JAKMIP2: variants seen among roughly 807,000 people sequenced by gnomAD.
The protein encoded by JAKMIP2 is janus kinase and microtubule interacting protein 2, also known as janus kinase and microtubule-interacting protein 2.
Under a neutral mutation model 115.0 loss-of-function variants are expected in JAKMIP2, and 25 were observed. That is an observed-to-expected ratio of 0.22 (90% CI 0.16 to 0.30). JAKMIP2 has a LOEUF of 0.30. JAKMIP2 is among the 10% of genes least tolerant of loss of function. JAKMIP2 has a pLI of 1.00. For synonymous variants in JAKMIP2, 334 were observed against 343.6 expected (o/e 0.97, Z 0.31); for missense variants, 642 against 957.6 (o/e 0.67, Z 4.35).
intron 3 of JAKMIP2, among the ~76,000 whole-genome samples, chr5:147,658,092 CT>C (rs1448195832): frequency 6.6e-6 from 1 of 152,060 alleles, no homozygotes; most frequent in Non-Finnish European, 1.5e-5. Flanking sequence ...GGCATTCTGG[CT>C]TTTGCGATTT....
intron 1 of JAKMIP2, among the ~76,000 whole-genome samples, chr5:147,694,915 G>A (rs1169525169): frequency 6.6e-6 from 1 of 152,170 alleles, no homozygotes; most frequent in African/African-American, 2.4e-5. Flanking sequence ...TTATCAAATT[G>A]TGACAAATTT....
intron 16 of JAKMIP2, among the ~76,000 whole-genome samples, chr5:147,624,115 G>A (rs1452195039): frequency 7.2e-5 from 11 of 152,024 alleles, no homozygotes; most frequent in Admixed American, 5.9e-4. Flanking sequence ...TTATAGGTGC[G>A]AGCCACCGTG....
chr5:147,671,657 C>T (rs1471461703), intron 2 of JAKMIP2, 21 bp downstream of exon 2: 2 of 1,380,974 alleles, frequency 1.4e-6, no homozygotes, highest in African/African-American at 1.5e-5. Context: ...AATGCCACGA[C>T]CTCAGGTAGC....
intron 1 of JAKMIP2, among the ~76,000 whole-genome samples, chr5:147,692,753 C>G (rs1751926291): frequency 6.6e-6 from 1 of 152,064 alleles, no homozygotes. Context: ...CGGAAACGGT[C>G]CATTTGAAAG....
At chr5:147,751,246 T>C (rs1208015107) in intron 1 of JAKMIP2, among the ~76,000 whole-genome samples, 1 of 144,108 alleles carries the variant, frequency 6.9e-6, no homozygotes, top group Non-Finnish European at 1.5e-5. Flanking sequence ...TAAGTTGTTT[T>C]TTTGTTGTTG....
chr5:147,667,051 C>T (rs932846179), intron 2 of JAKMIP2, among the ~76,000 whole-genome samples: 2 of 152,088 alleles, frequency 1.3e-5, no homozygotes, highest in African/African-American at 2.4e-5. Flanking sequence ...GTTTTTCCAA[C>T]AGAAAGAGAT....
At chr5:147,632,459 G>T (rs947654018) in intron 13 of JAKMIP2, among the ~76,000 whole-genome samples, 2 of 152,098 alleles carry the variant, frequency 1.3e-5, no homozygotes, top group African/African-American at 4.8e-5. Flanking sequence ...TATCTAAGTA[G>T]ACAGTTTTGA....
chr5:147,760,413 A>G (rs922129686), intron 1 of JAKMIP2, among the ~76,000 whole-genome samples: 1 of 152,044 alleles, frequency 6.6e-6, no homozygotes, highest in African/African-American at 2.4e-5. Flanking sequence ...TGAAAAAAAA[A>G]AAAAAAATCA....
intron 20 of JAKMIP2, among the ~76,000 whole-genome samples, chr5:147,606,345 GA>G (rs1308689772): frequency 6.6e-6 from 1 of 152,144 alleles, no homozygotes; most frequent in Admixed American, 6.5e-5. Context: ...AATCCATCTT[GA>G]GTTAATTTTC....
At chr5:147,737,289 A>C (rs925410908) in intron 1 of JAKMIP2, among the ~76,000 whole-genome samples, 2 of 152,208 alleles carry the variant, frequency 1.3e-5, no homozygotes, top group Non-Finnish European at 1.5e-5. Context: ...ACTATAAATA[A>C]AGATGTAACT....
chr5:147,782,502 C>G lies in JAKMIP2; in HGVS notation c.-195G>C. ...TGTTTAAAGGAGGGAGAGATGCAAA[C>G]TGAATCCATTTTCCTTGTGACCGAG... On this transcript the variant is annotated 5_prime_UTR_variant, in exon 1 of 22. Transcript: ENST00000616793. 1 of 1,535,020 alleles carries G rather than the reference C, an allele frequency of 6.5e-7. No homozygotes were observed.
At chr5:147,746,721 A>T (rs978428939) in intron 1 of JAKMIP2, among the ~76,000 whole-genome samples, 1 of 152,122 alleles carries the variant, frequency 6.6e-6, no homozygotes, top group African/African-American at 2.4e-5. Context: ...TAAAATATAC[A>T]CTTTCATTTT....
intron 20 of JAKMIP2, among the ~76,000 whole-genome samples, chr5:147,606,961 T>C (rs991476890): frequency 3.9e-5 from 6 of 152,228 alleles, no homozygotes; most frequent in Non-Finnish European, 8.8e-5. Flanking sequence ...AGTTCACTCA[T>C]GATTTGGCTC....
At chr5:147,666,275 A>T (rs1759294962) in intron 2 of JAKMIP2, among the ~76,000 whole-genome samples, 1 of 152,232 alleles carries the variant, frequency 6.6e-6, no homozygotes, top group African/African-American at 2.4e-5. Context: ...ACCACTAAGG[A>T]TATAGATTTA....
chr5:147,720,856 G>A (rs1753245454), intron 1 of JAKMIP2, among the ~76,000 whole-genome samples: 1 of 152,220 alleles, frequency 6.6e-6, no homozygotes, highest in Admixed American at 6.5e-5. Context: ...GCTCGTCAAA[G>A]TCATTCTCCG....
chr5:147,593,303 G>T (rs1177821180), intron 21 of JAKMIP2, among the ~76,000 whole-genome samples: 2 of 152,240 alleles, frequency 1.3e-5, no homozygotes, highest in Non-Finnish European at 2.9e-5. Flanking sequence ...GGCATCCCCT[G>T]CACACCCTTC....
At chr5:147,651,802 T>C (rs77463710) in intron 3 of JAKMIP2, among the ~76,000 whole-genome samples, 3,671 of 152,304 alleles carry the variant, frequency 0.024, 171 homozygotes, top group African/African-American at 0.083. Context: ...AAGAATTCAA[T>C]ATTGTCCCGT....
chr5:147,728,819 G>A (rs1753616150), intron 1 of JAKMIP2, among the ~76,000 whole-genome samples: 1 of 152,100 alleles, frequency 6.6e-6, no homozygotes, highest in South Asian at 2.1e-4. Flanking sequence ...TCTGACTTTT[G>A]AAAATTGTTC....
rs1228819287 is a variant in JAKMIP2, at chr5:147,586,884, A to G, written c.*4823T>C. On this transcript the variant is annotated 3_prime_UTR_variant, in exon 22 of 22. Transcript: ENST00000616793. Reference sequence around the variant, plus strand: ...CTATCTTTAGGAATTTTGATTAAGCATTGGACTTGGACTCCCAGCAAGAGA... The same window carrying G: ...CTATCTTTAGGAATTTTGATTAAGCGTTGGACTTGGACTCCCAGCAAGAGA... 6.6e-6 allele frequency: 1 copy of G among 151,060 alleles called. No individual in the cohort carries two copies. Among genetic ancestry groups the G allele is most frequent in the African/African-American group, 2.4e-5 (1 of 41,042 alleles). The allele number at this position is 151,060 out of a possible 1,614,324, so 9.4% of individuals were successfully genotyped here.
Sources: allele counts gnomAD v4.1 joint callset (sites outside exome capture counted in the v4.1 genomes callset), GRCh38; gene constraint gnomAD v4.1.1; transcripts MANE v1.5; gene names NCBI Gene and HGNC (gene_info 2026-07-23, HGNC 2026-07-21).